The following DNAH12 variants were observed in gnomAD, a reference collection of about 807,000 sequenced individuals.
The protein encoded by DNAH12 is dynein axonemal heavy chain 12.
DNAH12 carries 285 observed loss-of-function variants against 371.5 expected under a neutral mutation model. The observed-to-expected ratio is 0.77, with a 90% CI of 0.70 to 0.85. The LOEUF (loss-of-function observed/expected upper bound fraction) is 0.85, where lower values mean the gene tolerates loss of function less well. Ranked by LOEUF, DNAH12 falls within the 40% of genes least tolerant of loss-of-function variation. The pLI is 0.00. For missense variants in DNAH12, 3,611 were observed against 3,689.4 expected, an observed-to-expected ratio of 0.98 and a Z score of 0.55; for synonymous variants, 1,200 against 1,213.0, an observed-to-expected ratio of 0.99 and a Z score of 0.22.
At position 57,293,850 on chromosome 3, in the gene DNAH12, T is replaced by A. The variant is rs1331392122; in HGVS notation, c.11814A>T (p.Leu3938Phe). The part of the protein sequence containing the change: ...HSTNFVIAML[L>F]KTDQPTRHWI... ...AGTGCCGAGTAGGTTGGTCTGTTTT[T>A]AACAACATTGCAATGACAAAGTTAG... The change falls in exon 74 of 74, where the codon TTA becomes TTT. Residue 3938 changes from leucine (L) to phenylalanine (F), a missense_variant. Around this residue, in one of 3 missense-constraint regions of DNAH12, gnomAD observed 2,266 missense variants for 2,236.9 expected, o/e 1.01. Coordinates refer to ENST00000495027, the MANE Select transcript of DNAH12 (RefSeq NM_001366028.2). 47 of 1,550,944 alleles carry A rather than the reference T, an allele frequency of 3.0e-5. No individual in the cohort carries two copies. Among genetic ancestry groups the A allele is most frequent in the Non-Finnish European group, 4.0e-5 (46 of 1,146,752 alleles).
At chr3:57,423,239 G>A (rs1216665771) in intron 35 of DNAH12, among the ~76,000 whole-genome samples, 1 of 152,020 alleles carries the variant, frequency 6.6e-6, no homozygotes, top group Non-Finnish European at 1.5e-5. Context: ...TTAGGTTTTA[G>A]GTTTACCAAC....
intron 29 of DNAH12, among the ~76,000 whole-genome samples, chr3:57,440,769 G>T (rs1364588084): frequency 6.6e-6 from 1 of 152,110 alleles, no homozygotes; most frequent in African/African-American, 2.4e-5. Context: ...GAGTGGATGG[G>T]TTGAGCCCGG....
intron 62 of DNAH12, among the ~76,000 whole-genome samples, chr3:57,324,930 G>A (rs534420711): frequency 6.6e-6 from 1 of 152,342 alleles, no homozygotes; most frequent in East Asian, 1.9e-4. Context: ...CCCCCACATG[G>A]CTCAGAGGGT....
chr3:57,470,455 C>T lies in DNAH12; in HGVS notation c.2093G>A (p.Arg698Gln), dbSNP rs2066333944. Residue 698 changes from arginine (R) to glutamine (Q), a missense_variant, in exon 16 of 74, where the codon CGA becomes CAA. Physicochemically the swap from Arg to Gln is conservative, Grantham distance 43. This residue lies in a region of DNAH12 where 1,314 missense variants were observed against 1,398.7 expected (regional missense o/e 0.94). Coordinates refer to ENST00000495027, the MANE Select transcript of DNAH12 (RefSeq NM_001366028.2). ...TACCAGCAATTACCGTTTTTCTGAT[C>T]GCTGCCACTTCAAAACAAAATTAAA... The part of the protein sequence containing the change: ...KFFNFVLKWQ[R>Q]SEKRWMDGGF... 7 of 1,512,406 alleles carry T rather than the reference C, an allele frequency of 4.6e-6. No homozygotes were observed. The highest frequency in any genetic ancestry group is 2.8e-5 in the African/African-American group (2 of 70,994). The allele number at this position is 1,512,406 out of a possible 1,614,324, so 93.7% of individuals were successfully genotyped here. A position where few individuals can be genotyped will look rare whatever the true frequency, so the allele number is the denominator to read the frequency against.
intron 48 of DNAH12, 99 bp from the exon 49 acceptor site, chr3:57,385,104 T>C (rs1229369186): frequency 1.3e-5 from 2 of 152,188 alleles, no homozygotes; most frequent in Non-Finnish European, 2.9e-5. Flanking sequence ...TAACATATCA[T>C]TTTGAAGGAT....
In DNAH12 at chr3:57,406,356, CAAAAAAA is replaced by C. The variant is rs782271639; in HGVS notation, c.6277-411_6277-405del. 4.2e-5 allele frequency among the ~76,000 whole-genome samples: 4 copies of C among 96,054 alleles called. No homozygotes were observed. The East Asian group carries it at 1.1e-3, about 27-fold the overall frequency. 63.0% of individuals were successfully genotyped at this position (96,054 alleles called of 152,430 possible). On this transcript the variant is annotated intron_variant, in intron 40 of 73. Transcript: ENST00000495027. ...TGGGCAACGAAGTGAGATTCTGCCT[CAAAAAAA>C]AAAAAAAAGAAAAAAAAAGATTATA...
intron 25 of DNAH12, among the ~76,000 whole-genome samples, chr3:57,448,762 G>A (rs546107191): frequency 3.2e-4 from 48 of 152,148 alleles, no homozygotes; most frequent in Non-Finnish European, 5.1e-4. Context: ...AGCTCTCCAC[G>A]TCCCCATCAG....
At chr3:57,550,940 G>A in the DNAH12 span, among the ~76,000 whole-genome samples, 40 of 149,780 alleles carry the variant, frequency 2.7e-4, no homozygotes, top group South Asian at 7.0e-3. Context: ...GTGCAGTGGC[G>A]CAATCTCGGC....
In DNAH12 at chr3:57,519,860, C is replaced by G; in HGVS notation, c.279+3723G>C. 2.0e-6 allele frequency: 2 copies of G among 996,410 alleles called. 1 individual carries two copies. The highest frequency in any genetic ancestry group is 2.5e-5 in the South Asian group (2 of 78,816). The allele number at this position is 996,410 out of a possible 1,614,324, so 61.7% of individuals were successfully genotyped here. ...TCCATCACCTGGACTCTGCAGATGG[C>G]GCACATATCTCACTCCACGGCCCAG... On this transcript the variant is annotated intron_variant, in intron 4 of 73. Coordinates refer to ENST00000495027, the MANE Select transcript of DNAH12 (RefSeq NM_001366028.2).
chr3:57,416,290 C>T (rs994084471), intron 37 of DNAH12, among the ~76,000 whole-genome samples: 1 of 152,028 alleles, frequency 6.6e-6, no homozygotes, highest in African/African-American at 2.4e-5. Context: ...CAGGGCCCGG[C>T]TATGTTGCCC....
chr3:57,343,617 C>T (rs140878501), intron 60 of DNAH12, among the ~76,000 whole-genome samples: 2,021 of 152,272 alleles, frequency 0.013, 27 homozygotes, highest in South Asian at 0.039. Context: ...CTGACCGTCC[C>T]CCAGCCCGAC....
Position 57,293,865 on chromosome 3 carries a change from GACAA to G in DNAH12, c.11795_11798del (p.Phe3932SerfsTer6). ...GGTCTGTTTTTAACAACATTGCAAT[GACAA>G]AGTTAGTAGAATGTCCCGTAGTGGA... On this transcript the variant is annotated frameshift_variant, in exon 74 of 74. Transcript: ENST00000495027. LOFTEE classifies it high-confidence loss of function. 6.5e-7 allele frequency: 1 copy of G among 1,549,134 alleles called. No homozygotes were observed. Among genetic ancestry groups the G allele is most frequent in the Non-Finnish European group, 8.7e-7 (1 of 1,145,990 alleles).
chr3:57,293,855 A>G lies in DNAH12; in HGVS notation c.11809T>C (p.Leu3937=), dbSNP rs757078483. ...CGAGTAGGTTGGTCTGTTTTTAACA[A>G]CATTGCAATGACAAAGTTAGTAGAA... ...GHSTNFVIAM[L]LKTDQPTRHW... The change falls in exon 74 of 74, where the codon TTG becomes CTG. Residue 3937 remains leucine, a synonymous_variant. Coordinates refer to ENST00000495027, the MANE Select transcript of DNAH12 (RefSeq NM_001366028.2). 6 of 1,550,836 alleles carry G rather than the reference A, an allele frequency of 3.9e-6. No individual in the cohort carries two copies. The highest frequency in any genetic ancestry group is 5.2e-6 in the Non-Finnish European group (6 of 1,146,650).
Position 57,322,488 on chromosome 3 carries a change from G to C in DNAH12, c.10384-5C>G. The C allele has an allele frequency of 6.4e-7, 1 of 1,550,542 alleles. No homozygotes were observed. The highest frequency in any genetic ancestry group is 8.7e-7 in the Non-Finnish European group (1 of 1,146,630). On this transcript the variant is annotated splice_region_variant and splice_polypyrimidine_tract_variant and intron_variant, in intron 64 of 73. Transcript: ENST00000495027. ...CTGTAGAATTGTTACTGGGAACTAAGACAAAATAAATGGAGAGCATTATAC... is the reference window on the plus strand; with the variant it reads ...CTGTAGAATTGTTACTGGGAACTAACACAAAATAAATGGAGAGCATTATAC...
At chr3:57,412,370 A>G (rs936589896) in intron 39 of DNAH12, among the ~76,000 whole-genome samples, 13 of 152,244 alleles carry the variant, frequency 8.5e-5, no homozygotes, top group Non-Finnish European at 1.9e-4. Context: ...ATAGCAAAGG[A>G]GTAAACCTAG....
At chr3:57,300,402 G>A (rs577130464) in intron 70 of DNAH12, among the ~76,000 whole-genome samples, 3 of 152,070 alleles carry the variant, frequency 2.0e-5, no homozygotes, top group Non-Finnish European at 4.4e-5. Flanking sequence ...GAACAATGGA[G>A]GAAACCCTTT....
chr3:57,539,823 A>G (rs1402740859), intron 2 of DNAH12, among the ~76,000 whole-genome samples: 2 of 151,530 alleles, frequency 1.3e-5, no homozygotes, highest in African/African-American at 2.4e-5. Flanking sequence ...TCACTGTGTT[A>G]GCCAGGATGG....
At chr3:57,304,947 TTCC>T (rs948039857) in intron 69 of DNAH12, among the ~76,000 whole-genome samples, 1 of 151,934 alleles carries the variant, frequency 6.6e-6, no homozygotes, top group Non-Finnish European at 1.5e-5. Flanking sequence ...CCACCCTCCA[TTCC>T]TCCTTTTTCT....
intron 32 of DNAH12, among the ~76,000 whole-genome samples, chr3:57,431,287 G>A (rs2064948454): frequency 6.6e-6 from 1 of 152,050 alleles, no homozygotes; most frequent in South Asian, 2.1e-4. Flanking sequence ...TTGGGACATG[G>A]CCTAATCTCA....
Sources: allele counts gnomAD v4.1 joint callset (sites outside exome capture counted in the v4.1 genomes callset), GRCh38; gene constraint gnomAD v4.1.1; regional missense constraint gnomAD v4.1.1; transcripts MANE v1.5; gene names NCBI Gene and HGNC (gene_info 2026-07-23, HGNC 2026-07-21).